TTN: variants seen among roughly 807,000 people sequenced by gnomAD.
The protein encoded by TTN is titin, also known as connectin.
Under a neutral mutation model 3,223.0 loss-of-function variants are expected in TTN, and 1,525 were observed. That is an observed-to-expected ratio of 0.47 (90% CI 0.45 to 0.49). The LOEUF (loss-of-function observed/expected upper bound fraction) is 0.49, where lower values mean the gene tolerates loss of function less well. TTN is among the 20% of genes least tolerant of loss of function. The pLI is 0.00. For missense variants in TTN, 40,786 were observed against 43,424.0 expected, an observed-to-expected ratio of 0.94 and a Z score of 5.40; for synonymous variants, 14,094 against 15,161.0, an observed-to-expected ratio of 0.93 and a Z score of 5.17.
chr2:178,651,876 C>A lies in TTN; in HGVS notation c.39379+8G>T. The stretch of plus-strand genomic sequence containing the variant: ...CCGAGGTGTCCTAGCAGCTTTCTTG[C>A]CATGTACCTTGTGGAGGCGCCGCTG... On this transcript the variant is annotated splice_region_variant and intron_variant, in intron 205 of 362. Coordinates refer to ENST00000589042, the MANE Select transcript of TTN (RefSeq NM_001267550.2). 6.2e-7 allele frequency: 1 copy of A among 1,605,042 alleles called. No individual in the cohort carries two copies. Among genetic ancestry groups the A allele is most frequent in the Non-Finnish European group, 8.5e-7 (1 of 1,175,930 alleles).
In TTN at chr2:178,615,647, G is replaced by A. The variant is rs575998817; in HGVS notation, c.48454C>T (p.Pro16152Ser). 1.9e-6 allele frequency: 3 copies of A among 1,612,328 alleles called. No individual in the cohort carries two copies. Among genetic ancestry groups the A allele is most frequent in the African/African-American group, 1.3e-5 (1 of 74,906 alleles). ...YVDEPVNMSTPATVPDPPENV... is the reference protein window; with the variant it reads ...YVDEPVNMSTSATVPDPPENV... Reference sequence around the variant, plus strand: ...TCATCAAGAATGTACTCACTTGCAGGAGTTGACATATTTACAGGTTCATCA... The same window carrying A: ...TCATCAAGAATGTACTCACTTGCAGAAGTTGACATATTTACAGGTTCATCA... The change falls in exon 258 of 363, where the codon CCT becomes TCT. Residue 16152 changes from proline to serine, a missense_variant. Physicochemically the swap from Pro to Ser is moderately conservative, Grantham distance 74. Transcript: ENST00000589042.
chr2:178,576,721 G>T lies in TTN; in HGVS notation c.69523C>A (p.His23175Asn). The stretch of plus-strand genomic sequence containing the variant: ...CTTTTCTTTTCTCTCCTTTCTACAT[G>T]ATATCCTGTAATTTCGCTGCCACCA... Reference protein sequence around the residue: ...DDGGSEITGYHVERREKKSLR... With the variant: ...DDGGSEITGYNVERREKKSLR... The change falls in exon 325 of 363, where the codon CAT becomes AAT. Residue 23175 changes from histidine (H) to asparagine (N), a missense_variant. Transcript: ENST00000589042. This position sits in a 1 kb window ranked among gnomAD's most constrained non-coding sequence, Gnocchi z 4.3. 1 of 1,613,376 alleles carries T rather than the reference G, an allele frequency of 6.2e-7. No individual in the cohort carries two copies. The highest frequency in any genetic ancestry group is 8.5e-7 in the Non-Finnish European group (1 of 1,179,578).
rs1362410602 is a variant in TTN at position 178,535,301 on chromosome 2, T to C, written c.101314A>G (p.Lys33772Glu). The C allele has an allele frequency of 1.2e-6, 2 of 1,613,824 alleles. No homozygotes were observed. The highest frequency in any genetic ancestry group is 1.1e-5 in the South Asian group (1 of 91,090). Residue 33772 changes from lysine (K) to glutamate (E), a missense_variant, in exon 358 of 363, where the codon AAG (lysine) becomes GAG (glutamate). Lys to Glu is a moderately conservative substitution (Grantham distance 56). Transcript: ENST00000589042. ...GTTGGTTCTGAAGGCTCTGAAGGCT[T>C]GCTCAGACCAAATTTATTTTCAGCT... ...VIAENKFGLS[K>E]PSEPSEPTIT...
At chr2:178,635,738 A>G (rs1162634278) in intron 226 of TTN, 23 bp from the exon 227 acceptor site, 2 of 1,575,124 alleles carry the variant, frequency 1.3e-6, no homozygotes, top group Non-Finnish European at 1.7e-6. Flanking sequence ...AAGATCAGAA[A>G]AAATGATTAA....
Position 178,636,925 on chromosome 2 carries a change from C to T in TTN, c.40928-126G>A. 1 of 1,086,212 alleles carries T rather than the reference C, an allele frequency of 9.2e-7. No homozygotes were observed. The allele number at this position is 1,086,212 out of a possible 1,614,324, so 67.3% of individuals were successfully genotyped here. On this transcript the variant is annotated intron_variant, in intron 224 of 362. Coordinates refer to ENST00000589042, the MANE Select transcript of TTN (RefSeq NM_001267550.2). This position sits in a 1 kb window ranked among gnomAD's most constrained non-coding sequence, Gnocchi z 4.3. The stretch of plus-strand genomic sequence containing the variant: ...GAAGACGAGAAAACTAAAGACCAGG[C>T]AATTGAAAGGCCAATTGAGTTTATA...
Position 178,588,742 on chromosome 2 carries a change from T to C in TTN, c.62983A>G (p.Ile20995Val), listed in dbSNP as rs1322917551. Residue 20995 changes from isoleucine to valine, a missense_variant, in exon 304 of 363, where the codon ATA (isoleucine) becomes GTA (valine). By Grantham distance (29) the Ile-to-Val change is conservative. Transcript: ENST00000589042. Reference protein sequence around the residue: ...NPPEYDGGKSITGYFLEKKEK... With the variant: ...NPPEYDGGKSVTGYFLEKKEK... The stretch of plus-strand genomic sequence containing the variant: ...TTTTTCTCCAAAAAGTATCCAGTTA[T>C]AGACTTTCCACCATCATATTCAGGT... 1 of 1,613,202 alleles carries C rather than the reference T, an allele frequency of 6.2e-7. No individual in the cohort carries two copies. The highest frequency in any genetic ancestry group is 2.2e-5 in the East Asian group (1 of 44,740).
chr2:178,768,507 G>T (rs1273264634), intron 38 of TTN, among the ~76,000 whole-genome samples, 166 bp downstream of exon 38: 1 of 152,168 alleles, frequency 6.6e-6, no homozygotes, highest in African/African-American at 2.4e-5. Context: ...AGTTTTAAAG[G>T]TTCATCCATG....
In TTN at chr2:178,724,347, C is replaced by A; in HGVS notation, c.21028G>T (p.Val7010Phe). 1 of 1,613,584 alleles carries A rather than the reference C, an allele frequency of 6.2e-7. No individual in the cohort carries two copies. The highest frequency in any genetic ancestry group is 8.5e-7 in the Non-Finnish European group (1 of 1,179,616). Residue 7010 changes from valine (V) to phenylalanine (F), a missense_variant, in exon 72 of 363, where the codon GTT (valine) becomes TTT (phenylalanine). Val to Phe is a conservative substitution (Grantham distance 50). Coordinates refer to ENST00000589042, the MANE Select transcript of TTN (RefSeq NM_001267550.2). Reference protein sequence around the residue: ...NKISSLRILSVERQDAGTYTF... With the variant: ...NKISSLRILSFERQDAGTYTF... ...TATGTGCCTGCATCTTGCCTTTCAA[C>A]TGAGAGAATCCTTAAGGAAGAGATT...
At chr2:178,723,766 A>T in intron 73 of TTN, 70 bp from the exon 74 acceptor site, 2 of 1,532,980 alleles carry the variant, frequency 1.3e-6, no homozygotes, top group Non-Finnish European at 1.7e-6. Context: ...TGAATAAAAC[A>T]TTAGAGCACT....
chr2:178,569,027 G>C lies in TTN; in HGVS notation c.77105C>G (p.Pro25702Arg). Residue 25702 changes from proline to arginine, a missense_variant, in exon 326 of 363, where the codon CCT (proline) becomes CGT (arginine). Pro to Arg is a moderately radical substitution (Grantham distance 103). Coordinates refer to ENST00000589042, the MANE Select transcript of TTN (RefSeq NM_001267550.2). ...GACATCATCCACAGTTATTTTTCCA[G>C]GAGGTTGTGGCACTTCTGCAACCTT... is the stretch of plus-strand genomic sequence containing the variant. ...PIKVAEVPQP[P>R]GKITVDDVTR... The C allele has an allele frequency of 1.2e-6, 2 of 1,613,272 alleles. No individual in the cohort carries two copies. The highest frequency in any genetic ancestry group is 1.7e-6 in the Non-Finnish European group (2 of 1,179,518).
Position 178,718,078 on chromosome 2 carries a change from A to T in TTN, c.24928T>A (p.Tyr8310Asn), listed in dbSNP as rs397517511. 4.3e-6 allele frequency: 7 copies of T among 1,613,532 alleles called. No individual in the cohort carries two copies. In the East Asian group the frequency reaches 1.1e-4, roughly 26 times the overall value. Residue 8310 changes from tyrosine to asparagine, a missense_variant, in exon 86 of 363, where the codon TAT becomes AAT. Physicochemically the swap from Tyr to Asn is moderately radical, Grantham distance 143 (BLOSUM62 -2). Transcript: ENST00000589042. ...ACGTTATTTTTGAATTGCATTTTATATGCAGGAGCTGATCGTAGCTTTGTG... is the reference window on the plus strand; with the variant it reads ...ACGTTATTTTTGAATTGCATTTTATTTGCAGGAGCTGATCGTAGCTTTGTG... ...EHTKLRSAPA[Y>N]KMQFKNNVAS... is the part of the protein sequence containing the mutation.
intron 149 of TTN, 55 bp downstream of exon 149, chr2:178,675,616 G>T: frequency 7.8e-7 from 1 of 1,286,200 alleles, no homozygotes; most frequent in Non-Finnish European, 1.0e-6. Context: ...TGTGTGGATA[G>T]AACCACAGTT....
chr2:178,579,843 G>C lies in TTN; in HGVS notation c.67354C>G (p.Pro22452Ala), dbSNP rs760822987. 3 of 1,612,794 alleles carry C rather than the reference G, an allele frequency of 1.9e-6. No homozygotes were observed. In the East Asian group the frequency reaches 6.7e-5, roughly 36 times the overall value. Residue 22452 changes from proline (P) to alanine (A), a missense_variant, in exon 319 of 363, where the codon CCT becomes GCT. Coordinates refer to ENST00000589042, the MANE Select transcript of TTN (RefSeq NM_001267550.2). ...TRDAVKASQT[P>A]GPVVDLKVRS... ...ACTTTCAGGTCCACAACTGGTCCAGGAGTTTCTAAAGCAAAGGAGAAATGA... is the reference window on the plus strand; with the variant it reads ...ACTTTCAGGTCCACAACTGGTCCAGCAGTTTCTAAAGCAAAGGAGAAATGA...
rs755860911 is a variant in TTN at position 178,611,573 on chromosome 2, C to G, written c.50656G>C (p.Gly16886Arg). The G allele has an allele frequency of 8.1e-6, 13 of 1,613,016 alleles. No individual in the cohort carries two copies. Among genetic ancestry groups the G allele is most frequent in the South Asian group, 1.1e-5 (1 of 91,064 alleles). ...PEKNGGSPII[G>R]YHVEMCPVGT... Reference sequence around the variant, plus strand: ...ACTGGACACATTTCAACATGGTATCCTATGATAGGACTTCCACCATTTTTC... The same window carrying G: ...ACTGGACACATTTCAACATGGTATCGTATGATAGGACTTCCACCATTTTTC... Residue 16886 changes from glycine to arginine, a missense_variant, in exon 269 of 363, where the codon GGA becomes CGA. Coordinates refer to ENST00000589042, the MANE Select transcript of TTN (RefSeq NM_001267550.2).
Position 178,727,756 on chromosome 2 carries a change from A to G in TTN, c.19822T>C (p.Phe6608Leu). 1.2e-6 allele frequency: 2 copies of G among 1,613,290 alleles called. No homozygotes were observed. The highest frequency in any genetic ancestry group is 1.7e-6 in the Non-Finnish European group (2 of 1,179,444). The change falls in exon 68 of 363, where the codon TTT (phenylalanine) becomes CTT (leucine). Residue 6608 changes from phenylalanine to leucine, a missense_variant. By Grantham distance (22) the Phe-to-Leu change is conservative (BLOSUM62 0). Coordinates refer to ENST00000589042, the MANE Select transcript of TTN (RefSeq NM_001267550.2). ...GAGACAAGTTCCACATCATCCTTAA[A>G]CCATTTTATTTTAAATGGTGGTGTT... is the stretch of plus-strand genomic sequence containing the variant. ...KGTPPFKIKW[F>L]KDDVELVSGP...
rs1163350544 is a variant in TTN at position 178,688,481 on chromosome 2, C to T, written c.32197+196G>A. Among the ~76,000 whole-genome samples, 3 of 152,194 alleles carry T rather than the reference C, an allele frequency of 2.0e-5. No homozygotes were observed. The East Asian group carries it at 5.8e-4, about 29-fold the overall frequency. On this transcript the variant is annotated intron_variant, in intron 126 of 362. Coordinates refer to ENST00000589042, the MANE Select transcript of TTN (RefSeq NM_001267550.2). The stretch of plus-strand genomic sequence containing the variant: ...ATTTTCGGGACTCATCCACTTCCTT[C>T]GAATGATTCAAGGCCAACATAGACA...
chr2:178,741,137 G>A lies in TTN; in HGVS notation c.12096C>T (p.Asp4032=), dbSNP rs1425430505. The change falls in exon 48 of 363, where the codon GAC becomes GAT. Residue 4032 remains aspartate (D), a synonymous_variant. Transcript: ENST00000589042. ...TGCAGGGGGTATCAGTCATGTCTGTGTCTTCCAGAAGCACAAGCAGCTCTG... is the reference window on the plus strand; with the variant it reads ...TGCAGGGGGTATCAGTCATGTCTGTATCTTCCAGAAGCACAAGCAGCTCTG... The part of the protein sequence containing the change: ...CAAELLVLLE[D]TDMTDTPCKA... 1.9e-6 allele frequency: 3 copies of A among 1,613,504 alleles called. No individual in the cohort carries two copies. Among genetic ancestry groups the A allele is most frequent in the East Asian group, 2.2e-5 (1 of 44,872 alleles).
intron 158 of TTN, 60 bp downstream of exon 158, chr2:178,669,532 T>G (rs1236599081): frequency 1.9e-6 from 3 of 1,603,922 alleles, no homozygotes; most frequent in Non-Finnish European, 1.7e-6. Flanking sequence ...CACATTCACT[T>G]TAAACCATGA....
rs2057447237 is a variant in TTN at position 178,616,962 on chromosome 2, A to G, written c.47927T>C (p.Val15976Ala). ...AACCAGGATCGTGATAGGATTTGGG[A>G]CAATAACTTCCAGACCATCTTTAAA... ...SAFKDGLEVI[V>A]PNPITILVPS... The change falls in exon 256 of 363, where the codon GTC (valine) becomes GCC (alanine). Residue 15976 changes from valine (V) to alanine (A), a missense_variant. Transcript: ENST00000589042. 3.1e-6 allele frequency: 5 copies of G among 1,612,706 alleles called. No individual in the cohort carries two copies. Among genetic ancestry groups the G allele is most frequent in the Non-Finnish European group, 4.2e-6 (5 of 1,179,106 alleles).
Sources: gnomAD v4.1 joint callset for allele counts (sites outside exome capture counted in the v4.1 genomes callset) on GRCh38, gnomAD v4.1.1 for gene constraint, Gnocchi (gnomAD v3.1) non-coding constraint, MANE v1.5 for transcripts, NCBI Gene and HGNC (gene_info 2026-07-23, HGNC 2026-07-21) for gene names.